Variants in SLC15A1 observed in about 807,000 individuals in gnomAD.
SLC15A1 encodes Caco-2 oligopeptide transporter.
A neutral mutation model predicts 92.9 loss-of-function variants in SLC15A1; 83 were observed. The observed-to-expected ratio is 0.89, with a 90% confidence interval of 0.75 to 1.07. SLC15A1 has a LOEUF of 1.07. Among genes scored for constraint, SLC15A1 ranks in the 50% least tolerant of loss-of-function variants. SLC15A1 has a pLI of 0.00. For synonymous variants in SLC15A1, 322 were observed against 318.2 expected (o/e 1.01, Z -0.13); for missense variants, 857 against 880.1 (o/e 0.97, Z 0.33).
At chr13:98,698,558 C>T (rs1420295716) in intron 18 of SLC15A1, among the ~76,000 whole-genome samples, 1 of 152,172 alleles carries the variant, frequency 6.6e-6, no homozygotes, top group Admixed American at 6.5e-5. Flanking sequence ...TCTTCTGCCT[C>T]GGCCTCCCGA....
rs1382132043 is a variant in SLC15A1, at chr13:98,693,100, T to G, written c.1467-4523A>C. Among the ~76,000 whole-genome samples, 136 of 137,600 alleles carry G rather than the reference T, an allele frequency of 9.9e-4. 2 individuals carry two copies. The highest frequency in any genetic ancestry group is 3.7e-3 in the African/African-American group (130 of 35,088). 90.3% of individuals were successfully genotyped at this position (137,600 alleles called of 152,430 possible). A position where few individuals can be genotyped will look rare whatever the true frequency, so the allele number is the denominator to read the frequency against. On this transcript the variant is annotated intron_variant, in intron 18 of 22. Coordinates refer to ENST00000376503, the MANE Select transcript of SLC15A1 (RefSeq NM_005073.4). ...GTTATTGTCTACGTTTTTTTTTTTT[T>G]TTTTTTTTTTTTTTGAGACGGAGTT...
chr13:98,741,811 C>T (rs1221216469), intron 1 of SLC15A1, among the ~76,000 whole-genome samples: 4 of 150,842 alleles, frequency 2.7e-5, no homozygotes, highest in African/African-American at 7.3e-5. Flanking sequence ...AATCCATAAA[C>T]AAACAGGGCC....
intron 1 of SLC15A1, among the ~76,000 whole-genome samples, chr13:98,735,254 T>C (rs1410186753): frequency 1.3e-5 from 2 of 152,162 alleles, no homozygotes; most frequent in Admixed American, 6.5e-5. Context: ...ACTATCTCAA[T>C]AGATGAAGAA....
chr13:98,705,721 G>A (rs1463112782), intron 16 of SLC15A1, among the ~76,000 whole-genome samples: 2 of 151,926 alleles, frequency 1.3e-5, no homozygotes, highest in Non-Finnish European at 2.9e-5. Context: ...GCAAAACCCT[G>A]TCTCTACTAA....
chr13:98,712,742 T>C (rs895838854), intron 9 of SLC15A1, among the ~76,000 whole-genome samples, 158 bp from the exon 10 acceptor site: 4 of 152,234 alleles, frequency 2.6e-5, no homozygotes, highest in African/African-American at 7.2e-5. Flanking sequence ...TTTCTATTAA[T>C]AGTCTCTGTC....
Position 98,684,680 on chromosome 13 carries a change from G to T in SLC15A1, c.*44C>A. On this transcript the variant is annotated 3_prime_UTR_variant, in exon 23 of 23. Coordinates refer to ENST00000376503, the MANE Select transcript of SLC15A1 (RefSeq NM_005073.4). ...TCCTGCTACCTGGGGGCAGAGGTCA[G>T]GGCATCTGCGGGCCCAGTCCATCCT... is the stretch of plus-strand genomic sequence containing the variant. 6.5e-7 allele frequency: 1 copy of T among 1,550,352 alleles called. No homozygotes were observed. The highest frequency in any genetic ancestry group is 8.9e-7 in the Non-Finnish European group (1 of 1,126,774).
At chr13:98,729,917 T>A (rs913699903) in intron 1 of SLC15A1, among the ~76,000 whole-genome samples, 2 of 152,064 alleles carry the variant, frequency 1.3e-5, no homozygotes, top group African/African-American at 4.8e-5. Context: ...GTCTTGCATT[T>A]TTGCCCACTT....
rs535033543 is a variant in SLC15A1, at chr13:98,747,705, ACC to A, written c.4+4888_4+4889del. Among the ~76,000 whole-genome samples, 590 of 152,208 alleles carry A rather than the reference ACC, an allele frequency of 3.9e-3. 3 individuals are homozygous for A. The highest frequency in any genetic ancestry group is 0.017 in the Middle Eastern group (5 of 294). On this transcript the variant is annotated intron_variant, in intron 1 of 22. Transcript: ENST00000376503. ...AGACCATCCTGGCCAACGTGGTGAAACCCCGTCTCTACTAAAAATACAAAAGT... is the reference window on the plus strand; with the variant it reads ...AGACCATCCTGGCCAACGTGGTGAAACCGTCTCTACTAAAAATACAAAAGT...
At chr13:98,740,916 AGGT>A (rs569525113) in intron 1 of SLC15A1, among the ~76,000 whole-genome samples, 1 of 152,208 alleles carries the variant, frequency 6.6e-6, no homozygotes, top group Non-Finnish European at 1.5e-5. Context: ...CATCAGAGTC[AGGT>A]TAGCTTTAGA....
intron 7 of SLC15A1, 104 bp from the exon 8 acceptor site, chr13:98,719,424 A>G: frequency 1.3e-6 from 1 of 743,410 alleles, no homozygotes; most frequent in South Asian, 1.7e-5. Context: ...GCTTTCACAT[A>G]CTGTTCTAGA....
chr13:98,738,682 A>G (rs1278796656), intron 1 of SLC15A1, among the ~76,000 whole-genome samples: 2 of 152,258 alleles, frequency 1.3e-5, no homozygotes, highest in Non-Finnish European at 2.9e-5. Flanking sequence ...TTCAGAGGAT[A>G]TATGGAAAAG....
At chr13:98,745,970 A>G (rs1386954233) in intron 1 of SLC15A1, among the ~76,000 whole-genome samples, 1 of 151,862 alleles carries the variant, frequency 6.6e-6, no homozygotes, top group East Asian at 1.9e-4. Context: ...TTATTTTTCC[A>G]CCTAGGTACT....
At chr13:98,707,780 A>G (rs2088124670) in intron 15 of SLC15A1, among the ~76,000 whole-genome samples, 2 of 151,224 alleles carry the variant, frequency 1.3e-5, no homozygotes, top group African/African-American at 4.9e-5. Flanking sequence ...CTACAGTCCT[A>G]GCTACTCAGG....
At chr13:98,692,891 C>T (rs113228352) in intron 18 of SLC15A1, among the ~76,000 whole-genome samples, 1,604 of 152,052 alleles carry the variant, frequency 0.011, 28 homozygotes, top group African/African-American at 0.037. Flanking sequence ...GGACACACCA[C>T]CATGCCTGGC....
chr13:98,691,811 C>T (rs576263714), intron 18 of SLC15A1, among the ~76,000 whole-genome samples: 29 of 152,240 alleles, frequency 1.9e-4, no homozygotes, highest in African/African-American at 6.5e-4. Context: ...CGGTGGCTCA[C>T]GCTTGTAATC....
chr13:98,699,551 T>C (rs1042982106), intron 18 of SLC15A1, among the ~76,000 whole-genome samples: 5 of 152,264 alleles, frequency 3.3e-5, no homozygotes, highest in Non-Finnish European at 1.5e-5. Flanking sequence ...CCATCTTCAG[T>C]GATTATAACC....
intron 18 of SLC15A1, among the ~76,000 whole-genome samples, chr13:98,699,469 CA>C (rs2139570417): frequency 6.6e-6 from 1 of 152,340 alleles, no homozygotes; most frequent in Admixed American, 6.5e-5. Context: ...ATCGTTGTAT[CA>C]AGTTTGTTCC....
intron 8 of SLC15A1, among the ~76,000 whole-genome samples, chr13:98,717,960 A>G (rs1286104869): frequency 6.6e-6 from 1 of 151,814 alleles, no homozygotes; most frequent in East Asian, 1.9e-4. Flanking sequence ...CTAAAAGCCA[A>G]TGCCAAGAAC....
Position 98,702,519 on chromosome 13 carries a change from C to T in SLC15A1, c.1427G>A (p.Gly476Asp). ...APNHYQVVKDGLNQKPEKGEN... is the reference protein window; with the variant it reads ...APNHYQVVKDDLNQKPEKGEN... Reference sequence around the variant, plus strand: ...CCCTTTTTCTGGCTTCTGGTTAAGACCATCCTTTACCTGAGAGAGAAAACA... The same window carrying T: ...CCCTTTTTCTGGCTTCTGGTTAAGATCATCCTTTACCTGAGAGAGAAAACA... The change falls in exon 18 of 23, where the codon GGT becomes GAT. Residue 476 changes from glycine to aspartate, a missense_variant. Gly to Asp is a moderately conservative substitution (Grantham distance 94). Transcript: ENST00000376503. 6.2e-7 allele frequency: 1 copy of T among 1,604,628 alleles called. No homozygotes were observed. Among genetic ancestry groups the T allele is most frequent in the Non-Finnish European group, 8.5e-7 (1 of 1,171,730 alleles).
Sources: gnomAD v4.1 joint callset for allele counts (sites outside exome capture counted in the v4.1 genomes callset) on GRCh38, gnomAD v4.1.1 for gene constraint, MANE v1.5 for transcripts, NCBI Gene and HGNC (gene_info 2026-07-23, HGNC 2026-07-21) for gene names.